The following FHIT variants were observed in gnomAD, a reference collection of about 807,000 sequenced individuals.
FHIT encodes the protein bis(5'-adenosyl)-triphosphatase.
A neutral mutation model predicts 17.9 loss-of-function variants in FHIT; 19 were observed. That is an observed-to-expected ratio of 1.06 (90% CI 0.74 to 1.56). The LOEUF (loss-of-function observed/expected upper bound fraction) is 1.56. Ranked by LOEUF, FHIT falls within the 40% of genes most tolerant of loss-of-function variation. FHIT has a pLI of 0.00. For missense variants in FHIT, 248 were observed against 189.2 expected (o/e 1.31, Z -1.82); for synonymous variants, 81 against 69.7 (o/e 1.16, Z -0.81).
rs555573795 is a variant in FHIT, at chr3:60,610,740, T to C, written c.-17-73761A>G. Among the ~76,000 whole-genome samples the C allele has an allele frequency of 7.2e-5, 11 of 152,298 alleles. No homozygotes were observed. In the East Asian group the frequency reaches 2.1e-3, roughly 29 times the overall value. ...CTGCTCTTTTAGATCGCTGCACATTTTTAAGATGTAATTTACTGGAAGCTC... is the reference window on the plus strand; with the variant it reads ...CTGCTCTTTTAGATCGCTGCACATTCTTAAGATGTAATTTACTGGAAGCTC... On this transcript the variant is annotated intron_variant, in intron 4 of 9. Coordinates refer to ENST00000492590, the MANE Select transcript of FHIT (RefSeq NM_002012.4).
intron 3 of FHIT, among the ~76,000 whole-genome samples, chr3:60,844,266 G>GT (rs1306992400): frequency 6.6e-6 from 1 of 152,078 alleles, no homozygotes; most frequent in African/African-American, 2.4e-5. Flanking sequence ...AGCAGAAGTA[G>GT]TAAGTTCCAG....
intron 5 of FHIT, among the ~76,000 whole-genome samples, chr3:60,118,786 G>A (rs1303199845): frequency 7.4e-6 from 1 of 135,928 alleles, no homozygotes; most frequent in Non-Finnish European, 1.6e-5. Context: ...GGGGGGGGGG[G>A]GTGGTGAATC....
intron 5 of FHIT, among the ~76,000 whole-genome samples, chr3:60,048,111 C>T (rs550075204): frequency 2.2e-4 from 33 of 152,258 alleles, no homozygotes; most frequent in Admixed American, 3.9e-4. Flanking sequence ...ATCTCCTCCA[C>T]GTATAAGAAC....
intron 5 of FHIT, among the ~76,000 whole-genome samples, chr3:60,058,281 A>T (rs1267897407): frequency 7.9e-5 from 12 of 151,494 alleles, no homozygotes; most frequent in African/African-American, 2.7e-4. Context: ...AGTAGCTGGG[A>T]TTACATGCCC....
At chr3:59,812,406 C>T (rs945613724) in intron 8 of FHIT, among the ~76,000 whole-genome samples, 1 of 152,152 alleles carries the variant, frequency 6.6e-6, no homozygotes, top group African/African-American at 2.4e-5. Context: ...TGGAAGAAGT[C>T]GGCACACTCA....
In FHIT at chr3:60,569,124, GTA is replaced by G. The variant is rs1349343493; in HGVS notation, c.-17-32147_-17-32146del. Among the ~76,000 whole-genome samples, 22 of 151,926 alleles carry G rather than the reference GTA, an allele frequency of 1.4e-4. No homozygotes were observed. In the East Asian group the frequency reaches 4.1e-3, roughly 28 times the overall value. On this transcript the variant is annotated intron_variant, in intron 4 of 9. Transcript: ENST00000492590. ...CCTATTACAGTTTAAGTGTTTTTAT[GTA>G]TGTTTTATACCCAAATTCAGTAAAG...
intron 2 of FHIT, among the ~76,000 whole-genome samples, chr3:61,134,725 G>A (rs2036864116): frequency 1.3e-5 from 2 of 152,080 alleles, no homozygotes; most frequent in South Asian, 4.1e-4. Flanking sequence ...TGTAAAAAGG[G>A]AAGAGCAAAA....
chr3:61,055,278 C>T (rs958186536), intron 2 of FHIT, among the ~76,000 whole-genome samples: 14 of 152,152 alleles, frequency 9.2e-5, no homozygotes, highest in African/African-American at 3.1e-4. Context: ...CTGTCTGTCT[C>T]TCCCTACCTC....
At chr3:60,327,518 G>A (rs1709758033) in intron 5 of FHIT, among the ~76,000 whole-genome samples, 1 of 152,206 alleles carries the variant, frequency 6.6e-6, no homozygotes, top group Non-Finnish European at 1.5e-5. Flanking sequence ...AGGACCAGAT[G>A]TGGCCCAGAG....
intron 7 of FHIT, among the ~76,000 whole-genome samples, chr3:60,001,552 G>T (rs1054324648): frequency 2.0e-5 from 3 of 152,170 alleles, no homozygotes; most frequent in African/African-American, 7.2e-5. Context: ...AGATCAGAGC[G>T]ATTCAGAACT....
chr3:60,876,862 C>A (rs912343449), intron 3 of FHIT, among the ~76,000 whole-genome samples: 4 of 152,150 alleles, frequency 2.6e-5, no homozygotes, highest in Non-Finnish European at 5.9e-5. Flanking sequence ...AACAGAAACC[C>A]TGGTGAGCAC....
At chr3:60,173,884 A>AAT (rs776742490) in intron 5 of FHIT, among the ~76,000 whole-genome samples, 1,504 of 30,472 alleles carry the variant, frequency 0.049, 115 homozygotes, top group Middle Eastern at 0.11. Context: ...CCATGTTTCT[A>AAT]ATATATATAT....
At chr3:59,942,852 T>C (rs1157013361) in intron 7 of FHIT, among the ~76,000 whole-genome samples, 1 of 152,014 alleles carries the variant, frequency 6.6e-6, no homozygotes, top group Non-Finnish European at 1.5e-5. Flanking sequence ...TCTCACTATG[T>C]TGTCCAGGCT....
At chr3:60,592,214 CTATATA>C (rs1405941157) in intron 4 of FHIT, among the ~76,000 whole-genome samples, 1 of 144,380 alleles carries the variant, frequency 6.9e-6, no homozygotes, top group African/African-American at 2.5e-5. Flanking sequence ...TATGTAACCT[CTATATA>C]TATATATACT....
At chr3:60,996,427 T>A (rs951366593) in intron 3 of FHIT, among the ~76,000 whole-genome samples, 3 of 152,220 alleles carry the variant, frequency 2.0e-5, no homozygotes, top group Admixed American at 6.5e-5. Context: ...ACAGATAGGA[T>A]ACAGGTTCCT....
At chr3:61,169,630 G>T (rs916309346) in intron 2 of FHIT, among the ~76,000 whole-genome samples, 3 of 152,268 alleles carry the variant, frequency 2.0e-5, no homozygotes, top group South Asian at 2.1e-4. Flanking sequence ...GATGAGAAGT[G>T]AACTTCTTTG....
At chr3:60,494,158 T>C (rs2034190234) in intron 5 of FHIT, among the ~76,000 whole-genome samples, 2 of 152,214 alleles carry the variant, frequency 1.3e-5, no homozygotes, top group South Asian at 2.1e-4. Context: ...GTTTCCAGAA[T>C]GTTTTCATCA....
intron 3 of FHIT, among the ~76,000 whole-genome samples, chr3:60,961,268 T>G (rs1462787569): frequency 1.6e-4 from 23 of 146,466 alleles, no homozygotes; most frequent in Admixed American, 8.2e-4. Flanking sequence ...TCGTTCACTT[T>G]TTGATGGGGT....
chr3:60,534,439 CAAAAAAAAA>C (rs563992117), intron 5 of FHIT, among the ~76,000 whole-genome samples: 1 of 32,384 alleles, frequency 3.1e-5, no homozygotes, highest in Non-Finnish European at 5.2e-5. Context: ...GACTCCGTCT[CAAAAAAAAA>C]AAAAAAAAAA....
Sources: allele counts gnomAD v4.1 joint callset (sites outside exome capture counted in the v4.1 genomes callset), GRCh38; gene constraint gnomAD v4.1.1; transcripts MANE v1.5; gene names NCBI Gene and HGNC (gene_info 2026-07-23, HGNC 2026-07-21).